Variants in FOLR3 observed in about 807,000 individuals in gnomAD.
FOLR3 encodes folate receptor 3 (gamma).
A neutral mutation model predicts 20.0 loss-of-function variants in FOLR3; 9 were observed. The observed-to-expected ratio is 0.45, with a 90% CI of 0.27 to 0.79. The LOEUF is 0.79. Among genes scored for constraint, FOLR3 ranks in the 30% least tolerant of loss-of-function variants. The probability of loss-of-function intolerance (pLI) is 0.15; values close to 1 mark genes in which losing one functional copy is unlikely to be tolerated. For missense variants in FOLR3, 309 were observed against 323.5 expected, an observed-to-expected ratio of 0.96 and a Z score of 0.34; for synonymous variants, 124 against 115.5, an observed-to-expected ratio of 1.07 and a Z score of -0.47.
chr11:72,137,545 G>C (rs1449236101), intron 2 of FOLR3, among the ~76,000 whole-genome samples: 10 of 151,518 alleles, frequency 6.6e-5, no homozygotes, highest in African/African-American at 2.4e-4. Flanking sequence ...AGGCTGGAAT[G>C]CAATGGCATG....
Position 72,135,982 on chromosome 11 carries a change from G to C in FOLR3, c.30G>C (p.Leu10=), listed in dbSNP as rs766726078. The C allele has an allele frequency of 1.9e-6, 3 of 1,613,920 alleles. No individual in the cohort carries two copies. Among genetic ancestry groups the C allele is most frequent in the Non-Finnish European group, 2.5e-6 (3 of 1,179,834 alleles). The change falls in exon 2 of 5, where the codon CTG becomes CTC. Residue 10 remains leucine (L), a synonymous_variant. Transcript: ENST00000611028. MDMAWQMMQ[L]LLLALVTAAG... is the part of the protein sequence containing the mutation. ...ACATGGCCTGGCAGATGATGCAGCT[G>C]CTGCTTCTGGCTTTGGTGACTGCTG...
chr11:72,138,062 A>G (rs1275644030), intron 2 of FOLR3, among the ~76,000 whole-genome samples: 1 of 152,164 alleles, frequency 6.6e-6, no homozygotes, highest in Non-Finnish European at 1.5e-5. Flanking sequence ...GAATAATATA[A>G]ATAAGCTGAA....
Position 72,138,544 on chromosome 11 carries a change from G to C in FOLR3, c.169-417G>C, listed in dbSNP as rs774719333. Among the ~76,000 whole-genome samples, 2 of 152,162 alleles carry C rather than the reference G, an allele frequency of 1.3e-5. 1 individual carries two copies. The highest frequency in any genetic ancestry group is 1.3e-4 in the Admixed American group (2 of 15,282). ...CTCACGCCTCTAATCTTAGTATTTT[G>C]GGAAGCTGACATGAGCCAAGGAGTT... On this transcript the variant is annotated intron_variant, in intron 2 of 4. Transcript: ENST00000611028.
At chr11:72,136,865 CT>C (rs1395746027) in intron 2 of FOLR3, among the ~76,000 whole-genome samples, 5 of 152,198 alleles carry the variant, frequency 3.3e-5, no homozygotes, top group African/African-American at 1.2e-4. Context: ...CTCAGTAACT[CT>C]TTTGGAGGCA....
intron 2 of FOLR3, among the ~76,000 whole-genome samples, chr11:72,137,304 T>C (rs1341171480): frequency 1.3e-5 from 2 of 152,000 alleles, no homozygotes; most frequent in Non-Finnish European, 2.9e-5. Flanking sequence ...CTTTTCCACA[T>C]TTAGTCAAGT....
At chr11:72,138,908 G>A in intron 2 of FOLR3, 53 bp from the exon 3 acceptor site, 1 of 1,593,956 alleles carries the variant, frequency 6.3e-7, no homozygotes, top group African/African-American at 1.3e-5. Context: ...GCCAGAATAT[G>A]GAGGAGATGG....
At chr11:72,139,242 G>A in intron 3 of FOLR3, 93 bp downstream of exon 3, 1 of 1,555,516 alleles carries the variant, frequency 6.4e-7, no homozygotes, top group Non-Finnish European at 8.7e-7. Context: ...ATTCGGGTCT[G>A]AGGGTGGTGG....
intron 2 of FOLR3, among the ~76,000 whole-genome samples, chr11:72,137,404 C>A (rs182957912): frequency 6.6e-6 from 1 of 152,044 alleles, no homozygotes; most frequent in African/African-American, 2.4e-5. Flanking sequence ...GACCTCCAGA[C>A]CCTGGGAGAG....
chr11:72,138,972 G>C lies in FOLR3; in HGVS notation c.180G>C (p.Trp60Cys), dbSNP rs1207479684. 1.9e-6 allele frequency: 3 copies of C among 1,613,708 alleles called. No homozygotes were observed. In the African/African-American group the frequency reaches 4.0e-5, roughly 22 times the overall value. Residue 60 changes from tryptophan to cysteine, a missense_variant, in exon 3 of 5, where the codon TGG becomes TGC. Physicochemically the swap from Trp to Cys is radical, Grantham distance 215. Coordinates refer to ENST00000611028, the MANE Select transcript of FOLR3 (RefSeq NM_000804.4). Reference sequence around the variant, plus strand: ...TCTTCCCCACCCAGTGCAGTCCCTGGAAGAAGAATGCCTGCTGCACGGCCA... The same window carrying C: ...TCTTCCCCACCCAGTGCAGTCCCTGCAAGAAGAATGCCTGCTGCACGGCCA... ...EDELYGQCSP[W>C]KKNACCTAST... is the part of the protein sequence containing the mutation.
rs1320174194 is a variant in FOLR3, at chr11:72,139,301, C to T, written c.358-46C>T. The T allele has an allele frequency of 1.9e-6, 3 of 1,596,066 alleles. No individual in the cohort carries two copies. The South Asian group carries it at 3.4e-5, about 18-fold the overall frequency. On this transcript the variant is annotated intron_variant, in intron 3 of 4. Transcript: ENST00000611028. ...CTGGTCCCCTTCAAGGGTAAAGCTGCTGAGATACGTGGCTGACAGGAGTAT... is the reference window on the plus strand; with the variant it reads ...CTGGTCCCCTTCAAGGGTAAAGCTGTTGAGATACGTGGCTGACAGGAGTAT...
chr11:72,139,728 T>C lies in FOLR3; in HGVS notation c.635T>C (p.Met212Thr), dbSNP rs1441324769. The change falls in exon 5 of 5, where the codon ATG becomes ACG. Residue 212 changes from methionine (M) to threonine (T), a missense_variant. Coordinates refer to ENST00000611028, the MANE Select transcript of FOLR3 (RefSeq NM_000804.4). ...CGAGGGAGCGGCCGCTGCATCCAGATGTGGTTTGACTCAGCCCAGGGCAAC... is the reference window on the plus strand; with the variant it reads ...CGAGGGAGCGGCCGCTGCATCCAGACGTGGTTTGACTCAGCCCAGGGCAAC... ...YSRGSGRCIQ[M>T]WFDSAQGNPN... is the part of the protein sequence containing the mutation. 2.5e-6 allele frequency: 4 copies of C among 1,614,062 alleles called. No individual in the cohort carries two copies. The highest frequency in any genetic ancestry group is 3.4e-6 in the Non-Finnish European group (4 of 1,180,002).
At chr11:72,138,341 G>C (rs1448686196) in intron 2 of FOLR3, among the ~76,000 whole-genome samples, 2 of 152,112 alleles carry the variant, frequency 1.3e-5, no homozygotes, top group Admixed American at 6.5e-5. Context: ...ACTCCAGTCT[G>C]GGCAACAGGA....
intron 2 of FOLR3, among the ~76,000 whole-genome samples, chr11:72,137,328 C>A (rs1947753939): frequency 6.6e-6 from 1 of 151,924 alleles, no homozygotes; most frequent in South Asian, 2.1e-4. Context: ...GGTTCAGACC[C>A]ACGTGCAGGC....
At position 72,139,092 on chromosome 11, in the gene FOLR3, T is replaced by C; in HGVS notation, c.300T>C (p.Phe100=). The stretch of plus-strand genomic sequence containing the variant: ...TGGAACCCACCTGCAAGCGCCACTT[T>C]ATCCAGGACAGCTGTCTCTATGAGT... The part of the protein sequence containing the change: ...GKMEPTCKRH[F]IQDSCLYECS... The change falls in exon 3 of 5, where the codon TTT becomes TTC. Residue 100 remains phenylalanine, a synonymous_variant. Transcript: ENST00000611028. 6.5e-7 allele frequency: 1 copy of C among 1,547,458 alleles called. No individual in the cohort carries two copies.
rs187414664 is a variant in FOLR3 at position 72,137,407 on chromosome 11, T to C, written c.168+1287T>C. On this transcript the variant is annotated intron_variant, in intron 2 of 4. Transcript: ENST00000611028. ...TCTCCCCACCTGGACCTCCAGACCCTGGGAGAGCCAGACCAGCCCCTTGAC... is the reference window on the plus strand; with the variant it reads ...TCTCCCCACCTGGACCTCCAGACCCCGGGAGAGCCAGACCAGCCCCTTGAC... 6.7e-3 allele frequency among the ~76,000 whole-genome samples: 1,016 copies of C among 152,012 alleles called. 7 individuals are homozygous for C. The highest frequency in any genetic ancestry group is 9.8e-3 in the Non-Finnish European group (668 of 67,944).
rs369808921 is a variant in FOLR3 at position 72,139,572 on chromosome 11, G to C, written c.494-15G>C. On this transcript the variant is annotated splice_polypyrimidine_tract_variant and intron_variant, in intron 4 of 4. Transcript: ENST00000611028. ...CTGGCCCAGAAGCTAAGGGTCTTACGTTCTCCTCCCTCAGGGATTAATGAG... is the reference window on the plus strand; with the variant it reads ...CTGGCCCAGAAGCTAAGGGTCTTACCTTCTCCTCCCTCAGGGATTAATGAG... 2.5e-6 allele frequency: 4 copies of C among 1,613,732 alleles called. No homozygotes were observed. The highest frequency in any genetic ancestry group is 3.4e-6 in the Non-Finnish European group (4 of 1,179,838).
In FOLR3 at chr11:72,135,933, T is replaced by C. The variant is rs1947736377; in HGVS notation, c.-6-14T>C. ...CTCAGGCCTTGTCTACCTCTGACTG[T>C]GGCTCTCTGGCAGGAATAGATGGAC... On this transcript the variant is annotated splice_polypyrimidine_tract_variant and intron_variant, in intron 1 of 4. Coordinates refer to ENST00000611028, the MANE Select transcript of FOLR3 (RefSeq NM_000804.4). The C allele has an allele frequency of 6.2e-7, 1 of 1,608,026 alleles. No homozygotes were observed. Among genetic ancestry groups the C allele is most frequent in the Non-Finnish European group, 8.5e-7 (1 of 1,176,148 alleles).
At chr11:72,138,408 C>T (rs1947767994) in intron 2 of FOLR3, among the ~76,000 whole-genome samples, 1 of 152,174 alleles carries the variant, frequency 6.6e-6, no homozygotes, top group East Asian at 1.9e-4. Context: ...CTTTTTAAAC[C>T]GTTAAGAGCT....
Position 72,138,993 on chromosome 11 carries a change from G to C in FOLR3, c.201G>C (p.Thr67=), listed in dbSNP as rs373601622. 4.1e-4 allele frequency: 664 copies of C among 1,613,954 alleles called. 2 individuals carry two copies. The African/African-American group carries it at 7.9e-3, about 19-fold the overall frequency. Reference sequence around the variant, plus strand: ...CCTGGAAGAAGAATGCCTGCTGCACGGCCAGCACCAGCCAGGAGCTGCACA... The same window carrying C: ...CCTGGAAGAAGAATGCCTGCTGCACCGCCAGCACCAGCCAGGAGCTGCACA... ...CSPWKKNACC[T]ASTSQELHKD... The change falls in exon 3 of 5, where the codon ACG becomes ACC. Residue 67 remains threonine, a synonymous_variant. Transcript: ENST00000611028.
Sources: gnomAD v4.1 joint callset for allele counts (sites outside exome capture counted in the v4.1 genomes callset) on GRCh38, gnomAD v4.1.1 for gene constraint, MANE v1.5 for transcripts, NCBI Gene and HGNC (gene_info 2026-07-23, HGNC 2026-07-21) for gene names.